Variants in KLHDC1 observed in about 807,000 individuals in gnomAD.
The protein encoded by KLHDC1 is kelch domain containing 1, also known as kelch domain-containing protein 1.
Under a neutral mutation model 68.3 loss-of-function variants are expected in KLHDC1, and 53 were observed. That is an observed-to-expected ratio of 0.78 (90% CI 0.62 to 0.98). The LOEUF (loss-of-function observed/expected upper bound fraction) is 0.98. Ranked by LOEUF, KLHDC1 falls within the 50% of genes least tolerant of loss-of-function variation. The probability of loss-of-function intolerance (pLI) is 0.00; values close to 1 mark genes in which losing one functional copy is unlikely to be tolerated. For synonymous variants in KLHDC1, 148 were observed against 159.0 expected (o/e 0.93, Z 0.52); for missense variants, 470 against 492.3 (o/e 0.95, Z 0.43).
intron 6 of KLHDC1, 101 bp from the exon 7 acceptor site, chr14:49,728,825 T>C: frequency 1.2e-6 from 1 of 832,186 alleles, no homozygotes. Flanking sequence ...ACATAGGTAA[T>C]GATAACTTAG....
chr14:49,743,831 T>C, intron 12 of KLHDC1, 26 bp downstream of exon 12: 2 of 1,308,358 alleles, frequency 1.5e-6, no homozygotes, highest in Non-Finnish European at 1.1e-6. Flanking sequence ...ATTTTCTATA[T>C]ATTTGCTATG....
intron 12 of KLHDC1, among the ~76,000 whole-genome samples, chr14:49,748,371 C>T (rs932435327): frequency 6.6e-6 from 1 of 151,970 alleles, no homozygotes; most frequent in Admixed American, 6.6e-5. Context: ...ACTATTTTCT[C>T]AAGAAAGCTG....
intron 10 of KLHDC1, among the ~76,000 whole-genome samples, chr14:49,738,745 G>A (rs1888992264): frequency 6.6e-6 from 1 of 152,178 alleles, no homozygotes; most frequent in Admixed American, 6.5e-5. Flanking sequence ...AGATTCCCCA[G>A]GTTCCCATGG....
At chr14:49,728,824 A>T in intron 6 of KLHDC1, 102 bp from the exon 7 acceptor site, 10 of 821,218 alleles carry the variant, frequency 1.2e-5, no homozygotes, top group Non-Finnish European at 2.1e-5. Context: ...TACATAGGTA[A>T]TGATAACTTA....
At position 49,716,155 on chromosome 14, in the gene KLHDC1, A is replaced by G. The variant is rs144821618; in HGVS notation, c.404+5774A>G. Among the ~76,000 whole-genome samples, 750 of 152,298 alleles carry G rather than the reference A, an allele frequency of 4.9e-3. 3 individuals carry two copies. The highest frequency in any genetic ancestry group is 0.016 in the African/African-American group (652 of 41,564). ...TGAACTCTGTCTCTGAACCTAGCATAGGCTCGTATAAAGGGAGTATCTTTG... is the reference window on the plus strand; with the variant it reads ...TGAACTCTGTCTCTGAACCTAGCATGGGCTCGTATAAAGGGAGTATCTTTG... On this transcript the variant is annotated intron_variant, in intron 4 of 12. Transcript: ENST00000359332.
intron 1 of KLHDC1, among the ~76,000 whole-genome samples, chr14:49,703,372 C>T (rs1171865780): frequency 6.8e-5 from 10 of 146,804 alleles, no homozygotes; most frequent in East Asian, 5.9e-4. Flanking sequence ...GACAGAGTTT[C>T]GCTCCTGTTG....
chr14:49,714,509 C>T (rs372815217), intron 4 of KLHDC1, among the ~76,000 whole-genome samples: 3 of 151,920 alleles, frequency 2.0e-5, no homozygotes, highest in African/African-American at 4.8e-5. Context: ...TGTGGTGGCT[C>T]ATGCCTGTAA....
chr14:49,734,700 AT>A, intron 10 of KLHDC1, 39 bp downstream of exon 10: 1 of 1,170,308 alleles, frequency 8.5e-7, no homozygotes, highest in Non-Finnish European at 1.3e-6. Flanking sequence ...ATAGTTAAGA[AT>A]TTTTAAAGTA....
intron 9 of KLHDC1, among the ~76,000 whole-genome samples, chr14:49,733,615 G>A (rs1229218202): frequency 6.6e-6 from 1 of 151,790 alleles, no homozygotes; most frequent in Non-Finnish European, 1.5e-5. Flanking sequence ...TAGAGGTGGG[G>A]TTTCACCATG....
intron 1 of KLHDC1, among the ~76,000 whole-genome samples, chr14:49,696,190 T>G (rs1398230194): frequency 1.3e-5 from 2 of 151,884 alleles, no homozygotes; most frequent in Non-Finnish European, 2.9e-5. Context: ...TGCACTTTTT[T>G]TTTTTTTTTG....
At chr14:49,749,900 A>G (rs989236162) in intron 12 of KLHDC1, among the ~76,000 whole-genome samples, 1 of 152,090 alleles carries the variant, frequency 6.6e-6, no homozygotes, top group South Asian at 2.1e-4. Flanking sequence ...TCTATTAAAA[A>G]TACAGAAATT....
At chr14:49,744,489 A>T (rs1889145116) in intron 12 of KLHDC1, among the ~76,000 whole-genome samples, 1 of 152,068 alleles carries the variant, frequency 6.6e-6, no homozygotes, top group African/African-American at 2.4e-5. Context: ...TATATATGTT[A>T]TATAGTCATT....
In KLHDC1 at chr14:49,701,132, G is replaced by C. The variant is rs1444501634; in HGVS notation, c.96+7842G>C. Among the ~76,000 whole-genome samples the C allele has an allele frequency of 3.3e-5, 5 of 151,560 alleles. No homozygotes were observed. In the East Asian group the frequency reaches 9.7e-4, roughly 29 times the overall value. Reference sequence around the variant, plus strand: ...ACTACAAAAACAGCCAAGCATATAAGGAAAAAAAATAAGACTATTTTGTAT... The same window carrying C: ...ACTACAAAAACAGCCAAGCATATAACGAAAAAAAATAAGACTATTTTGTAT... On this transcript the variant is annotated intron_variant, in intron 1 of 12. Coordinates refer to ENST00000359332, the MANE Select transcript of KLHDC1 (RefSeq NM_172193.3).
rs373696864 is a variant in KLHDC1, at chr14:49,704,882, G to A, written c.97-4277G>A. Among the ~76,000 whole-genome samples the A allele has an allele frequency of 2.0e-3, 303 of 152,262 alleles. 2 individuals are homozygous for A. Among genetic ancestry groups the A allele is most frequent in the African/African-American group, 7.1e-3 (294 of 41,532 alleles). On this transcript the variant is annotated intron_variant, in intron 1 of 12. Coordinates refer to ENST00000359332, the MANE Select transcript of KLHDC1 (RefSeq NM_172193.3). Reference sequence around the variant, plus strand: ...AATATTTTATTTGTCTTTTATGTGTGAGGCACTGTAGTAGGCTCTGGGAGC... The same window carrying A: ...AATATTTTATTTGTCTTTTATGTGTAAGGCACTGTAGTAGGCTCTGGGAGC...
At chr14:49,727,118 T>C (rs1888690482) in intron 6 of KLHDC1, among the ~76,000 whole-genome samples, 1 of 151,954 alleles carries the variant, frequency 6.6e-6, no homozygotes, top group East Asian at 1.9e-4. Flanking sequence ...CGTGGCGGCA[T>C]GCGCCTGTAG....
intron 1 of KLHDC1, among the ~76,000 whole-genome samples, chr14:49,695,993 G>A (rs1313864081): frequency 2.0e-5 from 3 of 151,346 alleles, no homozygotes; most frequent in South Asian, 2.1e-4. Context: ...GAGAACCCAG[G>A]AGGCGGAGCT....
intron 12 of KLHDC1, among the ~76,000 whole-genome samples, chr14:49,748,777 T>C (rs1889256120): frequency 6.6e-6 from 1 of 151,674 alleles, no homozygotes; most frequent in Non-Finnish European, 1.5e-5. Context: ...TATATATGTA[T>C]ATATATACTG....
intron 5 of KLHDC1, among the ~76,000 whole-genome samples, chr14:49,725,294 C>G (rs1282197952): frequency 2.5e-4 from 1 of 3,946 alleles, no homozygotes; most frequent in Non-Finnish European, 5.9e-4. Context: ...GGAACAGGAA[C>G]CATGACCCAC....
intron 7 of KLHDC1, 78 bp from the exon 8 acceptor site, chr14:49,729,412 C>T (rs1257269144): frequency 9.1e-6 from 8 of 875,584 alleles, no homozygotes; most frequent in Non-Finnish European, 7.7e-6. Context: ...TATTTTTAAT[C>T]TGAACTTACT....
Sources: allele counts gnomAD v4.1 joint callset (sites outside exome capture counted in the v4.1 genomes callset), GRCh38; gene constraint gnomAD v4.1.1; transcripts MANE v1.5; gene names NCBI Gene and HGNC (gene_info 2026-07-23, HGNC 2026-07-21).